EIF5B: variants seen among roughly 807,000 people sequenced by gnomAD.
EIF5B encodes the protein eukaryotic translation initiation factor 5B.
Under a neutral mutation model 147.5 loss-of-function variants are expected in EIF5B, and 47 were observed. The ratio of observed to expected loss-of-function variants is 0.32; its 90% CI spans 0.25 to 0.41. The LOEUF (loss-of-function observed/expected upper bound fraction) is 0.41. Among genes scored for constraint, EIF5B ranks in the 10% least tolerant of loss-of-function variants. EIF5B has a pLI of 1.00. For missense variants in EIF5B, 1,064 were observed against 1,413.2 expected (o/e 0.75, Z 3.96); for synonymous variants, 455 against 456.2 (o/e 1.00, Z 0.03).
chr2:99,348,567 T>C (rs2094278003), intron 1 of EIF5B, among the ~76,000 whole-genome samples: 1 of 152,226 alleles, frequency 6.6e-6, no homozygotes, highest in Non-Finnish European at 1.5e-5. Context: ...AATTTCCCGG[T>C]TTCTCTTATT....
chr2:99,391,937 G>A (rs1674945844), intron 17 of EIF5B, among the ~76,000 whole-genome samples: 1 of 151,352 alleles, frequency 6.6e-6, no homozygotes, highest in Admixed American at 6.6e-5. Context: ...TGCCCAGGCT[G>A]GTCTTGACCT....
intron 14 of EIF5B, among the ~76,000 whole-genome samples, chr2:99,384,205 A>AAAAAAAAAAC: frequency 6.6e-6 from 1 of 150,974 alleles, no homozygotes; most frequent in Non-Finnish European, 1.5e-5. Flanking sequence ...TCAAAAAAAA[A>AAAAAAAAAAC]AAGAATTATG....
intron 9 of EIF5B, among the ~76,000 whole-genome samples, chr2:99,375,227 C>G (rs1455577986): frequency 6.6e-6 from 1 of 152,018 alleles, no homozygotes; most frequent in African/African-American, 2.4e-5. Flanking sequence ...TCTCATGTGC[C>G]TTGCTATTTT....
chr2:99,364,108 TTAA>T (rs1674277164), intron 5 of EIF5B, among the ~76,000 whole-genome samples, 160 bp from the exon 6 acceptor site: 1 of 152,340 alleles, frequency 6.6e-6, no homozygotes, highest in South Asian at 2.1e-4. Flanking sequence ...GTGATATTAA[TTAA>T]TAATCATGTA....
intron 8 of EIF5B, 102 bp downstream of exon 8, chr2:99,369,583 A>T: frequency 1.1e-6 from 1 of 877,238 alleles, no homozygotes; most frequent in Non-Finnish European, 1.7e-6. Context: ...GGAGAACCAA[A>T]TAAGTATCTG....
At chr2:99,338,955 CAT>C (rs1559240113) in intron 1 of EIF5B, among the ~76,000 whole-genome samples, 1 of 89,354 alleles carries the variant, frequency 1.1e-5, no homozygotes, top group African/African-American at 3.4e-5. Context: ...TATATACACA[CAT>C]ATATATAAAT....
At chr2:99,343,918 C>A (rs2094266515) in intron 1 of EIF5B, among the ~76,000 whole-genome samples, 1 of 151,642 alleles carries the variant, frequency 6.6e-6, no homozygotes, top group South Asian at 2.1e-4. Context: ...AGGGGTTCAT[C>A]TGCATTCTTT....
chr2:99,392,236 G>A (rs865960765), intron 17 of EIF5B, among the ~76,000 whole-genome samples: 6 of 151,770 alleles, frequency 4.0e-5, no homozygotes, highest in African/African-American at 1.5e-4. Flanking sequence ...CACCACACCC[G>A]GCTAATTTTT....
intron 9 of EIF5B, among the ~76,000 whole-genome samples, chr2:99,372,124 C>G (rs1324481780): frequency 6.6e-6 from 1 of 152,096 alleles, no homozygotes; most frequent in African/African-American, 2.4e-5. Context: ...TTCTTTATTA[C>G]TGAAATCTCT....
intron 6 of EIF5B, 65 bp from the exon 7 acceptor site, chr2:99,368,428 A>T: frequency 8.6e-7 from 1 of 1,167,868 alleles, no homozygotes; most frequent in Non-Finnish European, 1.3e-6. Context: ...GCTATCCTTT[A>T]AATAGTACTT....
rs763603076 is a variant in EIF5B at position 99,376,650 on chromosome 2, C to T, written c.1842+14C>T. On this transcript the variant is annotated intron_variant, in intron 10 of 23. Transcript: ENST00000289371. Reference sequence around the variant, plus strand: ...CGGAGGATTGAGGTATTTATTTTACCGTTTCTCTCTACTTTTCTTCCCACT... The same window carrying T: ...CGGAGGATTGAGGTATTTATTTTACTGTTTCTCTCTACTTTTCTTCCCACT... 1.8e-5 allele frequency: 29 copies of T among 1,580,528 alleles called. No individual in the cohort carries two copies. In the South Asian group the frequency reaches 2.5e-4, roughly 14 times the overall value.
Position 99,396,909 on chromosome 2 carries a change from G to C in EIF5B, c.3393+11G>C, listed in dbSNP as rs1574943467. 5.0e-6 allele frequency: 8 copies of C among 1,591,250 alleles called. No homozygotes were observed. Among genetic ancestry groups the C allele is most frequent in the Non-Finnish European group, 6.8e-6 (8 of 1,173,218 alleles). ...GTCCCAAGCAAAAATGTAAGTTCTA[G>C]TTGTACATTCTGTGGGTCATTTCTT... On this transcript the variant is annotated intron_variant, in intron 22 of 23. Transcript: ENST00000289371.
intron 1 of EIF5B, among the ~76,000 whole-genome samples, chr2:99,342,876 C>T (rs1426574168): frequency 1.3e-5 from 2 of 152,118 alleles, no homozygotes; most frequent in East Asian, 1.9e-4. Flanking sequence ...TCAAGTGATC[C>T]TCCCATCTCA....
chr2:99,381,518 G>GGGGTGTGT (rs1553536176), intron 12 of EIF5B, among the ~76,000 whole-genome samples: 1 of 142,988 alleles, frequency 7.0e-6, no homozygotes, highest in Non-Finnish European at 1.5e-5. Context: ...ACAAAAAGGG[G>GGGGTGTGT]GTGTGTGTGT....
In EIF5B at chr2:99,398,846, C is replaced by T. The variant is rs761308345; in HGVS notation, c.3492C>T (p.Ile1164=). The T allele has an allele frequency of 2.2e-5, 35 of 1,614,010 alleles. No homozygotes were observed. The highest frequency in any genetic ancestry group is 1.6e-4 in the Middle Eastern group (1 of 6,084). ...GQEVCVKIEP[I]PGESPKMFGR... ...AAGTTTGTGTAAAAATAGAACCTAT[C>T]CCTGGTGAGTCACCCAAAATGTTTG... Residue 1164 remains isoleucine, a synonymous_variant, in exon 23 of 24, where the codon ATC becomes ATT. Transcript: ENST00000289371.
intron 6 of EIF5B, among the ~76,000 whole-genome samples, chr2:99,365,582 G>A (rs1486866177): frequency 4.6e-5 from 7 of 152,132 alleles, no homozygotes; most frequent in African/African-American, 1.7e-4. Context: ...ATTCAGATGG[G>A]ACCAAGCAGG....
At chr2:99,361,871 A>G in intron 4 of EIF5B, 51 bp downstream of exon 4, 1 of 1,462,260 alleles carries the variant, frequency 6.8e-7, no homozygotes, top group Non-Finnish European at 9.0e-7. Flanking sequence ...TTCACAGTAT[A>G]AGTTGTAATC....
chr2:99,389,138 A>AC (rs1674870462), intron 14 of EIF5B, among the ~76,000 whole-genome samples: 1 of 151,722 alleles, frequency 6.6e-6, no homozygotes, highest in African/African-American at 2.4e-5. Flanking sequence ...TTATTTTGTC[A>AC]CCCTAGACTC....
rs781052579 is a variant in EIF5B, at chr2:99,361,526, G to C, written c.625G>C (p.Gly209Arg). 1.9e-6 allele frequency: 3 copies of C among 1,613,942 alleles called. No homozygotes were observed. The highest frequency in any genetic ancestry group is 1.7e-4 in the Middle Eastern group (1 of 6,060). The stretch of plus-strand genomic sequence containing the variant: ...GAAAAAAAATCAGAAAAACAAGCCA[G>C]GTCCTAACATAGAAAGTGGGAATGA... ...GQKKNQKNKPGPNIESGNEDD... is the reference protein window; with the variant it reads ...GQKKNQKNKPRPNIESGNEDD... The change falls in exon 4 of 24, where the codon GGT becomes CGT. Residue 209 changes from glycine to arginine, a missense_variant. Gly to Arg is a moderately radical substitution (Grantham distance 125). Transcript: ENST00000289371.
Sources: gnomAD v4.1 joint callset for allele counts (sites outside exome capture counted in the v4.1 genomes callset) on GRCh38, gnomAD v4.1.1 for gene constraint, MANE v1.5 for transcripts, NCBI Gene and HGNC (gene_info 2026-07-23, HGNC 2026-07-21) for gene names.